The following IL1RAPL1 variants were observed in gnomAD, a reference collection of about 807,000 sequenced individuals.
IL1RAPL1 encodes the protein interleukin 1 receptor accessory protein like 1, also known as interleukin-1 receptor accessory protein-like 1.
A neutral mutation model predicts 48.4 loss-of-function variants in IL1RAPL1; 3 were observed. The observed-to-expected ratio is 0.06, with a 90% confidence interval of 0.03 to 0.16. The LOEUF is 0.16. Among genes scored for constraint, IL1RAPL1 ranks in the 10% least tolerant of loss-of-function variants. The probability of loss-of-function intolerance (pLI) is 1.00; values close to 1 mark genes in which losing one functional copy is unlikely to be tolerated. For missense variants in IL1RAPL1, 349 were observed against 530.6 expected (o/e 0.66, Z 3.36); for synonymous variants, 185 against 187.7 (o/e 0.99, Z 0.12).
At chrX:29,709,609 G>A (rs1444989605) in intron 6 of IL1RAPL1, among the ~76,000 whole-genome samples, 1 of 111,354 alleles carries the variant, frequency 9.0e-6, no homozygotes, top group Non-Finnish European at 1.9e-5. Flanking sequence ...GATGCCTCCA[G>A]TGTTGGTCTT....
chrX:28,924,087 A>T (rs1923679703), intron 2 of IL1RAPL1: 1 of 111,615 alleles, frequency 9.0e-6, no homozygotes, highest in African/African-American at 3.3e-5. Context: ...GATGAAATTT[A>T]TCTTGATAGG....
chrX:29,289,100 T>A (rs1383980340), intron 3 of IL1RAPL1, among the ~76,000 whole-genome samples: 1 of 112,008 alleles, frequency 8.9e-6, no homozygotes, highest in Non-Finnish European at 1.9e-5. Flanking sequence ...AATTTTCTCC[T>A]ATTCCTTAGG....
chrX:29,549,859 CT>C (rs34474912), intron 5 of IL1RAPL1, among the ~76,000 whole-genome samples: 1 of 111,749 alleles, frequency 8.9e-6, no homozygotes, highest in Non-Finnish European at 1.9e-5. Context: ...AGATAAACAA[CT>C]TTGAAACCCC....
intron 2 of IL1RAPL1, among the ~76,000 whole-genome samples, chrX:29,064,984 T>C (rs1270577885): frequency 3.6e-5 from 4 of 111,981 alleles, no homozygotes; most frequent in Non-Finnish European, 7.5e-5. Flanking sequence ...ACCATCTAAC[T>C]AGCATCATTT....
intron 2 of IL1RAPL1, among the ~76,000 whole-genome samples, chrX:29,250,041 C>G (rs1239921349): frequency 9.0e-6 from 1 of 111,573 alleles, no homozygotes; most frequent in Non-Finnish European, 1.9e-5. Flanking sequence ...AGTGATTTCC[C>G]ATATAATAAT....
intron 5 of IL1RAPL1, among the ~76,000 whole-genome samples, chrX:29,583,794 C>T (rs1176075391): frequency 2.8e-5 from 3 of 107,040 alleles, no homozygotes; most frequent in Non-Finnish European, 5.7e-5. Flanking sequence ...AAGCTGGAGG[C>T]ATCACACTAC....
intron 9 of IL1RAPL1, among the ~76,000 whole-genome samples, chrX:29,945,897 T>C (rs1933205693): frequency 9.0e-6 from 1 of 111,518 alleles, no homozygotes; most frequent in Admixed American, 9.5e-5. Flanking sequence ...TTCCCCTCTA[T>C]ATAACCTTAC....
intron 5 of IL1RAPL1, among the ~76,000 whole-genome samples, chrX:29,529,347 A>G (rs1384313100): frequency 9.0e-6 from 1 of 111,274 alleles, no homozygotes; most frequent in Non-Finnish European, 1.9e-5. Flanking sequence ...TAATCCCAGC[A>G]CTTTGGGGGT....
intron 1 of IL1RAPL1, among the ~76,000 whole-genome samples, chrX:28,768,709 C>CTG (rs1936271575): frequency 3.0e-5 from 2 of 66,517 alleles, no homozygotes; most frequent in South Asian, 8.3e-4. Context: ...CTGTTTCTCT[C>CTG]TCTCTCTCTC....
chrX:28,996,291 C>T (rs1488137318), intron 2 of IL1RAPL1, among the ~76,000 whole-genome samples: 4 of 111,497 alleles, frequency 3.6e-5, no homozygotes, highest in Non-Finnish European at 7.5e-5. Flanking sequence ...TCTATCGGTA[C>T]TTCATTTCTT....
chrX:29,740,527 C>T (rs989401080), intron 6 of IL1RAPL1, among the ~76,000 whole-genome samples: 10 of 111,866 alleles, frequency 8.9e-5, no homozygotes, highest in African/African-American at 3.2e-4. Flanking sequence ...TTTTGTTATC[C>T]TACGGCATTT....
chrX:29,551,036 G>A (rs1169886987), intron 5 of IL1RAPL1, among the ~76,000 whole-genome samples: 2 of 111,832 alleles, frequency 1.8e-5, no homozygotes, highest in Non-Finnish European at 3.8e-5. Context: ...GATTTCTGTC[G>A]GTACCTCATA....
rs185598783 is a variant in IL1RAPL1, at chrX:29,136,450, G to A, written c.83-146488G>A. On this transcript the variant is annotated intron_variant, in intron 2 of 10. Coordinates refer to ENST00000378993, the MANE Select transcript of IL1RAPL1 (RefSeq NM_014271.4). ...CTGCATTTGAACTCTTTATTCTAAT[G>A]TCTAAATAGGACTCACTATTTAGGG... Among the ~76,000 whole-genome samples the A allele has an allele frequency of 3.4e-4, 38 of 111,853 alleles. No individual in the cohort carries two copies. The East Asian group carries it at 9.6e-3, about 28-fold the overall frequency.
intron 6 of IL1RAPL1, among the ~76,000 whole-genome samples, chrX:29,885,403 G>C (rs1328651490): frequency 1.8e-5 from 2 of 111,852 alleles, no homozygotes; most frequent in Non-Finnish European, 3.8e-5. Context: ...CACCACATTA[G>C]GATGCAAGTC....
chrX:28,723,217 T>C (rs1935614538), intron 1 of IL1RAPL1, among the ~76,000 whole-genome samples: 1 of 111,206 alleles, frequency 9.0e-6, no homozygotes, highest in African/African-American at 3.3e-5. Flanking sequence ...TGAATCCATC[T>C]GGTCCTGGAC....
At chrX:29,214,566 T>A (rs1164810939) in intron 2 of IL1RAPL1, among the ~76,000 whole-genome samples, 2 of 111,512 alleles carry the variant, frequency 1.8e-5, no homozygotes, top group African/African-American at 3.3e-5. Flanking sequence ...ACCTCTGAAG[T>A]CCCTCACTAC....
At chrX:29,165,446 A>G (rs181443935) in intron 2 of IL1RAPL1, among the ~76,000 whole-genome samples, 1 of 112,579 alleles carries the variant, frequency 8.9e-6, no homozygotes, top group African/African-American at 3.2e-5. Flanking sequence ...TCATGCTGCT[A>G]TACTGTTTCC....
chrX:28,948,117 G>C (rs1164067125), intron 2 of IL1RAPL1, among the ~76,000 whole-genome samples: 4 of 111,574 alleles, frequency 3.6e-5, no homozygotes, highest in African/African-American at 1.3e-4. Context: ...CTGACTAGAA[G>C]TCTACTATTA....
chrX:28,869,926 C>G (rs779002825), intron 2 of IL1RAPL1, among the ~76,000 whole-genome samples: 34 of 111,679 alleles, frequency 3.0e-4, no homozygotes, highest in African/African-American at 1.1e-3. Flanking sequence ...ATAGATTTGC[C>G]TATTCTGGAC....
Sources: allele counts gnomAD v4.1 joint callset (sites outside exome capture counted in the v4.1 genomes callset), GRCh38; gene constraint gnomAD v4.1.1; transcripts MANE v1.5; gene names NCBI Gene and HGNC (gene_info 2026-07-23, HGNC 2026-07-21).